The following SNTG2 variants were observed in gnomAD, a reference collection of about 807,000 sequenced individuals.
SNTG2 encodes syntrophin gamma 2.
A neutral mutation model predicts 70.9 loss-of-function variants in SNTG2; 74 were observed. The observed-to-expected ratio is 1.04, with a 90% CI of 0.86 to 1.27. The LOEUF is 1.27. SNTG2 is among the 50% of genes most tolerant of loss of function. The pLI, the probability that SNTG2 is intolerant of heterozygous loss-of-function variation, is 0.00. For missense variants in SNTG2, 717 were observed against 690.7 expected (o/e 1.04, Z -0.43); for synonymous variants, 278 against 273.8 (o/e 1.02, Z -0.15).
intron 1 of SNTG2, among the ~76,000 whole-genome samples, chr2:952,510 T>C (rs1660008337): frequency 6.6e-6 from 1 of 152,256 alleles, no homozygotes; most frequent in South Asian, 2.1e-4. Context: ...TGCTCTCCTT[T>C]GCGCTCAGTA....
At chr2:1,238,178 A>T (rs1676809440) in intron 10 of SNTG2, among the ~76,000 whole-genome samples, 161 bp downstream of exon 10, 1 of 152,200 alleles carries the variant, frequency 6.6e-6, no homozygotes, top group Non-Finnish European at 1.5e-5. Context: ...AAATGAAGCC[A>T]TCAGAATGTT....
chr2:1,363,911 T>C (rs1661333266), intron 16 of SNTG2, among the ~76,000 whole-genome samples: 1 of 152,178 alleles, frequency 6.6e-6, no homozygotes, highest in Non-Finnish European at 1.5e-5. Context: ...GTACTACTCA[T>C]TGAGTTTTAG....
intron 1 of SNTG2, among the ~76,000 whole-genome samples, chr2:1,071,665 T>G (rs1386385076): frequency 6.8e-6 from 1 of 147,656 alleles, no homozygotes; most frequent in African/African-American, 2.5e-5. Context: ...AAAAAAAAAC[T>G]AGAGAAGATC....
intron 4 of SNTG2, among the ~76,000 whole-genome samples, chr2:1,132,061 A>G (rs28690810): frequency 0.13 from 19,697 of 152,192 alleles, 1,775 homozygotes; most frequent in East Asian, 0.44. Context: ...ACATTCTCAT[A>G]TGGATTTTAA....
chr2:1,137,296 G>A (rs1408552371), intron 4 of SNTG2, among the ~76,000 whole-genome samples: 1 of 149,874 alleles, frequency 6.7e-6, no homozygotes, highest in Non-Finnish European at 1.5e-5. Flanking sequence ...ACACCCATCT[G>A]CACCTGCACA....
intron 4 of SNTG2, among the ~76,000 whole-genome samples, chr2:1,133,160 A>G (rs764402898): frequency 6.6e-6 from 1 of 152,226 alleles, no homozygotes; most frequent in Non-Finnish European, 1.5e-5. Flanking sequence ...CTGACCTGTA[A>G]GAAATGCTCA....
chr2:1,221,015 G>A (rs1311492408), intron 9 of SNTG2, among the ~76,000 whole-genome samples: 4 of 152,354 alleles, frequency 2.6e-5, no homozygotes, highest in East Asian at 3.9e-4. Flanking sequence ...ACAGATGTGC[G>A]GAGCAGCTCT....
chr2:1,009,896 C>T (rs190542037), intron 1 of SNTG2, among the ~76,000 whole-genome samples: 16 of 152,258 alleles, frequency 1.1e-4, no homozygotes, highest in Admixed American at 4.6e-4. Context: ...CATTTGTAAA[C>T]GAATCAGAAG....
At chr2:1,316,045 G>A (rs1681261147) in intron 15 of SNTG2, among the ~76,000 whole-genome samples, 1 of 152,170 alleles carries the variant, frequency 6.6e-6, no homozygotes, top group African/African-American at 2.4e-5. Flanking sequence ...ACTGGAGGCT[G>A]GACTGTGGGG....
At chr2:1,077,829 A>G (rs1425977649) in intron 1 of SNTG2, among the ~76,000 whole-genome samples, 1 of 152,142 alleles carries the variant, frequency 6.6e-6, no homozygotes, top group Non-Finnish European at 1.5e-5. Context: ...GCATTACTAC[A>G]TTGAGCAGTA....
At chr2:1,031,771 AAG>A (rs1660852906) in intron 1 of SNTG2, among the ~76,000 whole-genome samples, 1 of 151,798 alleles carries the variant, frequency 6.6e-6, no homozygotes, top group African/African-American at 2.4e-5. Flanking sequence ...AAAATATTCG[AAG>A]AGAGAGAAGC....
chr2:1,143,742 G>T (rs1020502758), intron 6 of SNTG2, among the ~76,000 whole-genome samples: 2 of 83,230 alleles, frequency 2.4e-5, no homozygotes, highest in African/African-American at 1.0e-4. Context: ...GAATGGTGGC[G>T]GATGCCTGTA....
intron 1 of SNTG2, among the ~76,000 whole-genome samples, chr2:1,030,998 G>A (rs1265826249): frequency 6.6e-6 from 1 of 152,166 alleles, no homozygotes; most frequent in Non-Finnish European, 1.5e-5. Flanking sequence ...TAGTTAGACA[G>A]GTTCTTAAGT....
intron 11 of SNTG2, among the ~76,000 whole-genome samples, chr2:1,239,978 C>A (rs1383956084): frequency 6.6e-6 from 1 of 152,152 alleles, no homozygotes; most frequent in Non-Finnish European, 1.5e-5. Context: ...ACTGCTCTTT[C>A]TGTGGGAATA....
At chr2:1,122,986 A>G (rs1013221942) in intron 4 of SNTG2, among the ~76,000 whole-genome samples, 4 of 152,178 alleles carry the variant, frequency 2.6e-5, no homozygotes, top group African/African-American at 9.6e-5. Flanking sequence ...ATTTAGCAAT[A>G]AGTATAACCA....
intron 8 of SNTG2, among the ~76,000 whole-genome samples, chr2:1,177,569 A>G (rs1315228395): frequency 6.6e-6 from 1 of 152,134 alleles, no homozygotes; most frequent in Admixed American, 6.5e-5. Context: ...CTTTCTCAAC[A>G]AAAACAAGAG....
intron 1 of SNTG2, among the ~76,000 whole-genome samples, chr2:1,054,181 G>A (rs4300865): frequency 0.82 from 123,795 of 151,876 alleles, 51,079 homozygotes; most frequent in Middle Eastern, 0.91. Context: ...GTTGTTTCCC[G>A]TGGTGCGGCT....
At chr2:1,224,178 C>G (rs555977682) in intron 9 of SNTG2, among the ~76,000 whole-genome samples, 38 of 152,302 alleles carry the variant, frequency 2.5e-4, no homozygotes, top group Non-Finnish European at 5.0e-4. Flanking sequence ...CCTTCCAACA[C>G]GACTGCCTCG....
At chr2:1,127,758 A>G (rs1223530968) in intron 4 of SNTG2, among the ~76,000 whole-genome samples, 2 of 151,964 alleles carry the variant, frequency 1.3e-5, no homozygotes. Context: ...TTTTTCAGCA[A>G]GTTCATTGTT....
Sources: allele counts gnomAD v4.1 joint callset (sites outside exome capture counted in the v4.1 genomes callset), GRCh38; gene constraint gnomAD v4.1.1; transcripts MANE v1.5; gene names NCBI Gene and HGNC (gene_info 2026-07-23, HGNC 2026-07-21).